The following KPNA3 variants were observed in gnomAD, a reference collection of about 807,000 sequenced individuals.
The protein encoded by KPNA3 is karyopherin subunit alpha 3.
In KPNA3, 13 loss-of-function variants were observed where a neutral mutation model predicts 73.8. That is an observed-to-expected ratio of 0.18 (90% CI 0.11 to 0.28). KPNA3 has a LOEUF of 0.28. KPNA3 is among the 10% of genes least tolerant of loss of function. The pLI is 1.00. For missense variants in KPNA3, 360 were observed against 618.1 expected (o/e 0.58, Z 4.43); for synonymous variants, 186 against 206.9 (o/e 0.90, Z 0.87).
chr13:49,782,668 T>C (rs1380631638), intron 1 of KPNA3, among the ~76,000 whole-genome samples: 1 of 151,976 alleles, frequency 6.6e-6, no homozygotes, highest in Admixed American at 6.6e-5. Context: ...CACTTGAGCC[T>C]AAGAGTTTGA....
intron 1 of KPNA3, among the ~76,000 whole-genome samples, chr13:49,762,624 G>A (rs1344828355): frequency 6.6e-6 from 1 of 152,044 alleles, no homozygotes; most frequent in Non-Finnish European, 1.5e-5. Context: ...ATGGATTAAG[G>A]GCGGTGCAAG....
At chr13:49,729,971 G>T (rs1056971266) in intron 6 of KPNA3, among the ~76,000 whole-genome samples, 9 of 152,076 alleles carry the variant, frequency 5.9e-5, no homozygotes, top group Non-Finnish European at 5.9e-5. Context: ...AGTCAATCTG[G>T]CTCCAAAGTA....
At chr13:49,773,460 A>T (rs1320690861) in intron 1 of KPNA3, among the ~76,000 whole-genome samples, 1 of 152,104 alleles carries the variant, frequency 6.6e-6, no homozygotes, top group East Asian at 1.9e-4. Context: ...CAATGTCCTA[A>T]TTTTTTATCC....
chr13:49,742,982 A>C (rs1436958756), intron 2 of KPNA3, among the ~76,000 whole-genome samples: 1 of 150,756 alleles, frequency 6.6e-6, no homozygotes, highest in African/African-American at 2.4e-5. Context: ...ACATAGCCAC[A>C]ATGTGATTAG....
In KPNA3 at chr13:49,732,730, T is replaced by A. The variant is rs1276944058; in HGVS notation, c.234+17A>T. On this transcript the variant is annotated intron_variant, in intron 4 of 16. Transcript: ENST00000261667. ...TTCAAAATACTTCAAAACGAGAGTA[T>A]TAATTTAGTAACATACCTGCAATAT... The A allele has an allele frequency of 5.0e-6, 8 of 1,588,256 alleles. No homozygotes were observed. In the Admixed American group the frequency reaches 1.4e-4, roughly 27 times the overall value.
At chr13:49,717,503 A>T (rs1954316111) in intron 10 of KPNA3, among the ~76,000 whole-genome samples, 1 of 151,320 alleles carries the variant, frequency 6.6e-6, no homozygotes, top group African/African-American at 2.4e-5. Context: ...GTATTAGGTT[A>T]TTATCTACAT....
At chr13:49,738,454 T>C (rs1954544350) in intron 2 of KPNA3, among the ~76,000 whole-genome samples, 1 of 152,222 alleles carries the variant, frequency 6.6e-6, no homozygotes, top group Non-Finnish European at 1.5e-5. Flanking sequence ...AGAATCAATG[T>C]CATTATTACG....
chr13:49,712,697 G>A (rs927010798), intron 10 of KPNA3, among the ~76,000 whole-genome samples: 3 of 151,994 alleles, frequency 2.0e-5, no homozygotes, highest in African/African-American at 7.2e-5. Context: ...AGAGAAAATA[G>A]AATAAGCTCA....
chr13:49,719,167 C>T (rs1328460692), intron 10 of KPNA3, among the ~76,000 whole-genome samples: 1 of 152,058 alleles, frequency 6.6e-6, no homozygotes, highest in African/African-American at 2.4e-5. Flanking sequence ...ACAGTAAATG[C>T]TTCACTAAAT....
chr13:49,785,603 A>C (rs1207175517), intron 1 of KPNA3, among the ~76,000 whole-genome samples: 1 of 152,312 alleles, frequency 6.6e-6, no homozygotes, highest in East Asian at 1.9e-4. Flanking sequence ...GATATGAGCA[A>C]GAAAAACAGT....
At chr13:49,771,576 A>G (rs777130303) in intron 1 of KPNA3, among the ~76,000 whole-genome samples, 1 of 152,118 alleles carries the variant, frequency 6.6e-6, no homozygotes, top group Non-Finnish European at 1.5e-5. Context: ...CTCTGCACCC[A>G]AGTAGCTGGG....
At chr13:49,748,124 A>C (rs140306523) in intron 1 of KPNA3, among the ~76,000 whole-genome samples, 27 of 152,314 alleles carry the variant, frequency 1.8e-4, no homozygotes, top group Admixed American at 5.9e-4. Flanking sequence ...TACTCATCTT[A>C]TGAACTACCT....
chr13:49,768,763 C>T (rs779815608), intron 1 of KPNA3, among the ~76,000 whole-genome samples: 1 of 152,108 alleles, frequency 6.6e-6, no homozygotes, highest in African/African-American at 2.4e-5. Context: ...CATACATGTA[C>T]TACACATGCC....
chr13:49,709,743 T>C, intron 11 of KPNA3, 43 bp from the exon 12 acceptor site: 4 of 1,577,856 alleles, frequency 2.5e-6, no homozygotes, highest in Non-Finnish European at 3.5e-6. Context: ...TATTTGCTTA[T>C]AAGACTAATT....
intron 1 of KPNA3, among the ~76,000 whole-genome samples, chr13:49,768,426 G>C (rs1388671025): frequency 7.9e-5 from 12 of 151,892 alleles, no homozygotes; most frequent in South Asian, 6.2e-4. Context: ...CCTTTTAATC[G>C]GGATGCTTTA....
intron 2 of KPNA3, among the ~76,000 whole-genome samples, chr13:49,746,558 A>C (rs190834733): frequency 6.8e-4 from 104 of 152,320 alleles, no homozygotes; most frequent in African/African-American, 2.2e-3. Context: ...AAATACAATA[A>C]ATTTTAATAG....
At position 49,700,410 on chromosome 13, in the gene KPNA3, ATTTAG is replaced by A. The variant is rs1358807010; in HGVS notation, c.*1385_*1389del. Reference sequence around the variant, plus strand: ...TACCATTTCTGTGACAGCACAAATTATTTAGTTTAAAAATTTTTAAATCCATATTC... The same window carrying A: ...TACCATTTCTGTGACAGCACAAATTATTTAAAAATTTTTAAATCCATATTC... On this transcript the variant is annotated 3_prime_UTR_variant, in exon 17 of 17. Coordinates refer to ENST00000261667, the MANE Select transcript of KPNA3 (RefSeq NM_002267.4). 1 of 152,664 alleles carries A rather than the reference ATTTAG, an allele frequency of 6.6e-6. No individual in the cohort carries two copies. The highest frequency in any genetic ancestry group is 2.4e-5 in the African/African-American group (1 of 41,462). 9.5% of individuals were successfully genotyped at this position (152,664 alleles called of 1,614,324 possible). A position where few individuals can be genotyped will look rare whatever the true frequency, so the allele number is the denominator to read the frequency against.
At chr13:49,711,370 T>C (rs1343305893) in intron 10 of KPNA3, among the ~76,000 whole-genome samples, 1 of 152,192 alleles carries the variant, frequency 6.6e-6, no homozygotes, top group East Asian at 1.9e-4. Context: ...AAAAACACTA[T>C]TTACAAGAAT....
At chr13:49,712,417 A>C (rs1954267960) in intron 10 of KPNA3, among the ~76,000 whole-genome samples, 2 of 152,120 alleles carry the variant, frequency 1.3e-5, no homozygotes, top group Admixed American at 1.3e-4. Flanking sequence ...CAGCAAAAAA[A>C]CCCGACATGA....
Sources: gnomAD v4.1 joint callset for allele counts (sites outside exome capture counted in the v4.1 genomes callset) on GRCh38, gnomAD v4.1.1 for gene constraint, MANE v1.5 for transcripts, NCBI Gene and HGNC (gene_info 2026-07-23, HGNC 2026-07-21) for gene names.